The following REEP1 variants were observed in gnomAD, a reference collection of about 807,000 sequenced individuals.
REEP1 encodes receptor expression-enhancing protein 1.
REEP1 carries 22 observed loss-of-function variants against 40.3 expected under a neutral mutation model. The observed-to-expected ratio is 0.55, with a 90% CI of 0.39 to 0.78. The LOEUF is 0.78. REEP1 is among the 30% of genes least tolerant of loss of function. REEP1 has a pLI of 0.00. For missense variants in REEP1, 280 were observed against 361.1 expected (o/e 0.78, Z 1.82); for synonymous variants, 116 against 139.2 (o/e 0.83, Z 1.17).
Position 86,337,348 on chromosome 2 carries a change from C to T in REEP1, c.32+131G>A. 1.9e-6 allele frequency: 1 copy of T among 531,940 alleles called. No homozygotes were observed. The highest frequency in any genetic ancestry group is 2.7e-6 in the Non-Finnish European group (1 of 366,834). 33.0% of individuals were successfully genotyped at this position (531,940 alleles called of 1,614,324 possible). A position where few individuals can be genotyped will look rare whatever the true frequency, so the allele number is the denominator to read the frequency against. On this transcript the variant is annotated intron_variant, in intron 1 of 8. Coordinates refer to ENST00000538924, the MANE Select transcript of REEP1 (RefSeq NM_001371279.1). This position sits in a 1 kb window ranked among gnomAD's most constrained non-coding sequence, Gnocchi z 5.8. Reference sequence around the variant, plus strand: ...CAGGCGTCCTCGGCGGCTACTGTACCTGCTAAATTTAGCTGCGCCGGGTAT... The same window carrying T: ...CAGGCGTCCTCGGCGGCTACTGTACTTGCTAAATTTAGCTGCGCCGGGTAT...
chr2:86,273,446 G>A (rs1677574819), intron 2 of REEP1, among the ~76,000 whole-genome samples: 1 of 151,950 alleles, frequency 6.6e-6, no homozygotes, highest in Admixed American at 6.6e-5. Context: ...ACCAAGGCTG[G>A]CCAGTTTTTT....
chr2:86,336,595 C>G (rs909602296), intron 1 of REEP1: 1 of 152,362 alleles, frequency 6.6e-6, no homozygotes, highest in Non-Finnish European at 1.5e-5. Context: ...GGACTTGGAA[C>G]AGCCACGTCT....
At chr2:86,286,846 A>G (rs552035634) in intron 1 of REEP1, among the ~76,000 whole-genome samples, 5 of 152,210 alleles carry the variant, frequency 3.3e-5, no homozygotes, top group Non-Finnish European at 7.3e-5. Flanking sequence ...GAGTTGCACC[A>G]ACATGTCCCA....
chr2:86,271,428 T>A (rs1047230179), intron 2 of REEP1, among the ~76,000 whole-genome samples: 1 of 151,272 alleles, frequency 6.6e-6, no homozygotes, highest in Admixed American at 6.6e-5. Flanking sequence ...AGAATGAGAA[T>A]AAGAATGATA....
chr2:86,312,822 A>G (rs2104490057), intron 1 of REEP1, among the ~76,000 whole-genome samples: 1 of 152,230 alleles, frequency 6.6e-6, no homozygotes, highest in East Asian at 1.9e-4. Context: ...GTCAACAAAC[A>G]TACTTATTTT....
intron 5 of REEP1, among the ~76,000 whole-genome samples, chr2:86,243,347 C>T (rs972988880): frequency 2.6e-5 from 4 of 152,176 alleles, no homozygotes; most frequent in Non-Finnish European, 4.4e-5. Context: ...TAGGTTCCAC[C>T]AGGCCCTGTG....
At chr2:86,237,139 T>G (rs987468402) in intron 5 of REEP1, among the ~76,000 whole-genome samples, 4 of 152,224 alleles carry the variant, frequency 2.6e-5, no homozygotes, top group African/African-American at 7.2e-5. Flanking sequence ...TAGATATACT[T>G]GGTTGTTATT....
intron 1 of REEP1, among the ~76,000 whole-genome samples, chr2:86,283,189 C>T (rs980288635): frequency 2.0e-5 from 3 of 152,202 alleles, no homozygotes; most frequent in African/African-American, 7.2e-5. Context: ...CCTCTTTCCA[C>T]AGCACTGTAA....
intron 2 of REEP1, among the ~76,000 whole-genome samples, chr2:86,275,252 T>C (rs1677695491): frequency 2.0e-5 from 3 of 150,684 alleles, no homozygotes; most frequent in Admixed American, 2.0e-4. Context: ...GAAATTCCCC[T>C]GCAGGCAGGA....
At chr2:86,263,849 C>T in intron 3 of REEP1, 116 bp downstream of exon 3, 1 of 779,192 alleles carries the variant, frequency 1.3e-6, no homozygotes, top group Non-Finnish European at 2.3e-6. Flanking sequence ...CATCCCTGCT[C>T]TTGCGTCTCT....
At chr2:86,286,544 T>C (rs1678411929) in intron 1 of REEP1, among the ~76,000 whole-genome samples, 1 of 152,230 alleles carries the variant, frequency 6.6e-6, no homozygotes, top group Non-Finnish European at 1.5e-5. Flanking sequence ...GTTCATTTTT[T>C]TGAACCCCAA....
intron 8 of REEP1, among the ~76,000 whole-genome samples, chr2:86,218,641 A>G (rs1674253729): frequency 6.6e-6 from 1 of 152,224 alleles, no homozygotes; most frequent in Non-Finnish European, 1.5e-5. Context: ...GGGCCTTAGA[A>G]TTCTTTAGGC....
chr2:86,296,802 A>C (rs1023713207), intron 1 of REEP1, among the ~76,000 whole-genome samples: 1 of 152,164 alleles, frequency 6.6e-6, no homozygotes, highest in Non-Finnish European at 1.5e-5. Flanking sequence ...GGTTGCAGTG[A>C]GATGAGATCA....
chr2:86,223,477 T>G (rs1674529696), intron 7 of REEP1: 1 of 152,320 alleles, frequency 6.6e-6, no homozygotes, highest in African/African-American at 2.4e-5. Context: ...CACGCCTGTC[T>G]GGAACACTTA....
chr2:86,219,008 GAA>G (rs915759503), intron 8 of REEP1, among the ~76,000 whole-genome samples: 5 of 152,204 alleles, frequency 3.3e-5, no homozygotes, highest in Non-Finnish European at 7.3e-5. Context: ...GAAGCAGAGA[GAA>G]AGACTGGGGT....
chr2:86,301,039 A>C (rs754579956), intron 1 of REEP1, among the ~76,000 whole-genome samples: 102 of 152,358 alleles, frequency 6.7e-4, no homozygotes, highest in Admixed American at 1.8e-3. Context: ...AGCAGTATCC[A>C]GATGTGAATG....
intron 1 of REEP1, among the ~76,000 whole-genome samples, chr2:86,315,121 C>G (rs553355833): frequency 1.3e-5 from 2 of 152,210 alleles, no homozygotes; most frequent in African/African-American, 4.8e-5. Context: ...GTGTATCTAG[C>G]TCAGAGTAGC....
intron 3 of REEP1, among the ~76,000 whole-genome samples, chr2:86,261,068 A>G (rs1248250733): frequency 6.6e-6 from 1 of 152,224 alleles, no homozygotes; most frequent in African/African-American, 2.4e-5. Context: ...GAACACAGCC[A>G]TCATTAGATA....
At chr2:86,285,085 G>A (rs966395772) in intron 1 of REEP1, among the ~76,000 whole-genome samples, 4 of 152,196 alleles carry the variant, frequency 2.6e-5, no homozygotes, top group South Asian at 2.1e-4. Flanking sequence ...ACCCCTACAC[G>A]GCCCTTCTCC....
Sources: gnomAD v4.1 joint callset for allele counts (sites outside exome capture counted in the v4.1 genomes callset) on GRCh38, gnomAD v4.1.1 for gene constraint, Gnocchi (gnomAD v3.1) non-coding constraint, MANE v1.5 for transcripts, NCBI Gene and HGNC (gene_info 2026-07-23, HGNC 2026-07-21) for gene names.